Variants in RPH3A observed in about 807,000 individuals in gnomAD.
RPH3A encodes rabphilin-3A.
Under a neutral mutation model 102.2 loss-of-function variants are expected in RPH3A, and 48 were observed. The ratio of observed to expected loss-of-function variants is 0.47; its 90% CI spans 0.37 to 0.60. The LOEUF (loss-of-function observed/expected upper bound fraction) is 0.60, where lower values mean the gene tolerates loss of function less well. RPH3A is among the 20% of genes least tolerant of loss of function. The probability of loss-of-function intolerance (pLI) is 0.00; values close to 1 mark genes in which losing one functional copy is unlikely to be tolerated. For synonymous variants in RPH3A, 310 were observed against 324.3 expected, an observed-to-expected ratio of 0.96 and a Z score of 0.47; for missense variants, 781 against 910.1, an observed-to-expected ratio of 0.86 and a Z score of 1.83.
At chr12:112,803,152 A>C (rs1174132264) in intron 2 of RPH3A, among the ~76,000 whole-genome samples, 6 of 152,126 alleles carry the variant, frequency 3.9e-5, no homozygotes, top group Non-Finnish European at 8.8e-5. Flanking sequence ...ACCAAGTGTG[A>C]GGGCAGCCCC....
intron 1 of RPH3A, among the ~76,000 whole-genome samples, chr12:112,644,772 C>T (rs1257679039): frequency 6.6e-6 from 1 of 152,176 alleles, no homozygotes; most frequent in East Asian, 1.9e-4. Context: ...GGTCAATATC[C>T]ACAAGAAACT....
At chr12:112,587,825 A>G (rs968128234) in intron 1 of RPH3A, among the ~76,000 whole-genome samples, 1 of 152,134 alleles carries the variant, frequency 6.6e-6, no homozygotes, top group African/African-American at 2.4e-5. Context: ...GAGTGGGTGC[A>G]TGGTGGGGCT....
intron 1 of RPH3A, among the ~76,000 whole-genome samples, chr12:112,729,601 A>T (rs2040619607): frequency 6.6e-6 from 1 of 152,204 alleles, no homozygotes; most frequent in Non-Finnish European, 1.5e-5. Context: ...TAACAAGAGG[A>T]ATCCACTAAA....
chr12:112,800,473 G>T (rs2041322253), intron 2 of RPH3A, among the ~76,000 whole-genome samples: 1 of 152,184 alleles, frequency 6.6e-6, no homozygotes, highest in Non-Finnish European at 1.5e-5. Flanking sequence ...GGTAGCCAAG[G>T]AGTCTGGGTT....
At chr12:112,890,751 C>A in intron 18 of RPH3A, 98 bp from the exon 19 acceptor site, 1 of 1,380,270 alleles carries the variant, frequency 7.2e-7, no homozygotes, top group South Asian at 1.4e-5. Flanking sequence ...GCTGGCCAAG[C>A]TTCGCCTGCC....
chr12:112,693,594 G>C (rs1422300610), intron 1 of RPH3A, among the ~76,000 whole-genome samples: 1 of 152,056 alleles, frequency 6.6e-6, no homozygotes, highest in Non-Finnish European at 1.5e-5. Context: ...TGGCCCATCT[G>C]TTCCCTCTTC....
At position 112,850,326 on chromosome 12, in the gene RPH3A, G is replaced by GT. The variant is rs373343615; in HGVS notation, c.230+2494dup. Reference sequence around the variant, plus strand: ...AATGGCAATTATTTAATGGTGAGGTGTTTTTTTTTTAATGAGAAAGCTGAT... The same window carrying GT: ...AATGGCAATTATTTAATGGTGAGGTGTTTTTTTTTTTAATGAGAAAGCTGAT... On this transcript the variant is annotated intron_variant, in intron 5 of 21. Coordinates refer to ENST00000389385, the MANE Select transcript of RPH3A (RefSeq NM_001143854.2). Among the ~76,000 whole-genome samples the GT allele has an allele frequency of 2.4e-3, 359 of 147,248 alleles. 2 individuals carry two copies. The highest frequency in any genetic ancestry group is 6.9e-3 in the African/African-American group (280 of 40,314).
chr12:112,842,365 T>C (rs1032796740), intron 4 of RPH3A, among the ~76,000 whole-genome samples: 1 of 152,234 alleles, frequency 6.6e-6, no homozygotes, highest in Non-Finnish European at 1.5e-5. Flanking sequence ...CATGGTCTAG[T>C]TGACCCTCAT....
chr12:112,751,986 A>T (rs1191166018), intron 1 of RPH3A, among the ~76,000 whole-genome samples: 3 of 152,178 alleles, frequency 2.0e-5, no homozygotes, highest in Admixed American at 1.3e-4. Context: ...CAGTAAATAA[A>T]CATTAGTGCT....
At chr12:112,819,199 G>A (rs920000983) in intron 2 of RPH3A, among the ~76,000 whole-genome samples, 1 of 151,976 alleles carries the variant, frequency 6.6e-6, no homozygotes, top group African/African-American at 2.4e-5. Context: ...TCCACCTCCT[G>A]GGTTCAAGCG....
At chr12:112,783,569 G>A (rs73425014) in intron 1 of RPH3A, among the ~76,000 whole-genome samples, 3 of 152,306 alleles carry the variant, frequency 2.0e-5, no homozygotes, top group Admixed American at 2.0e-4. Context: ...AATGAACAAA[G>A]TGAAGGTAAT....
chr12:112,896,011 A>G (rs983828245), intron 21 of RPH3A, 138 bp downstream of exon 21: 10 of 629,194 alleles, frequency 1.6e-5, no homozygotes, highest in Non-Finnish European at 1.1e-5. Context: ...ATTGAGACCC[A>G]TGATCTTGAC....
At chr12:112,728,304 G>T (rs2040609233) in intron 1 of RPH3A, among the ~76,000 whole-genome samples, 1 of 152,156 alleles carries the variant, frequency 6.6e-6, no homozygotes. Context: ...AAAGTTGGCA[G>T]ATCCCAGCTT....
At chr12:112,763,778 T>C (rs914593604) in intron 1 of RPH3A, among the ~76,000 whole-genome samples, 5 of 152,206 alleles carry the variant, frequency 3.3e-5, no homozygotes, top group African/African-American at 7.2e-5. Flanking sequence ...CTTCCCACCA[T>C]GGCCTGAACT....
rs2240192 is a variant in RPH3A, at chr12:112,897,882, G to A, written c.*1102G>A. ...ATCCGTGGGCTCCCCGGGTGGGCAC[G>A]GAGGCATTTAGAAGACCAGGGCCAT... is the stretch of plus-strand genomic sequence containing the variant. On this transcript the variant is annotated 3_prime_UTR_variant, in exon 22 of 22. Coordinates refer to ENST00000389385, the MANE Select transcript of RPH3A (RefSeq NM_001143854.2). 18,201 of 152,244 alleles carry A rather than the reference G, an allele frequency of 0.12. 1,549 individuals are homozygous for A. The highest frequency in any genetic ancestry group is 0.32 in the East Asian group (1,670 of 5,158). The allele number at this position is 152,244 out of a possible 1,614,324, so 9.4% of individuals were successfully genotyped here.
Position 112,883,326 on chromosome 12 carries a change from A to T in RPH3A, c.1360A>T (p.Thr454Ser). The T allele has an allele frequency of 6.2e-7, 1 of 1,614,028 alleles. No individual in the cohort carries two copies. The highest frequency in any genetic ancestry group is 8.5e-7 in the Non-Finnish European group (1 of 1,180,000). Reference protein sequence around the residue: ...NKLRTKTLRNTRNPIWNETLV... With the variant: ...NKLRTKTLRNSRNPIWNETLV... ...GCTTCGTACAAAAACTCTGCGGAAT[A>T]CCCGGAACCCCATCTGGAATGAGAC... Residue 454 changes from threonine (T) to serine (S), a missense_variant, in exon 16 of 22, where the codon ACC (threonine) becomes TCC (serine). By Grantham distance (58) the Thr-to-Ser change is moderately conservative (BLOSUM62 1). Transcript: ENST00000389385.
chr12:112,640,487 C>T (rs1431478316), intron 1 of RPH3A, among the ~76,000 whole-genome samples: 1 of 151,648 alleles, frequency 6.6e-6, no homozygotes, highest in Non-Finnish European at 1.5e-5. Flanking sequence ...TTCATCTCTC[C>T]TTTCCCTGTC....
intron 2 of RPH3A, among the ~76,000 whole-genome samples, chr12:112,815,457 A>G (rs1338306867): frequency 6.6e-6 from 1 of 152,208 alleles, no homozygotes; most frequent in Non-Finnish European, 1.5e-5. Context: ...CCTGGCCTAT[A>G]AAATGGGAAT....
chr12:112,739,399 A>G (rs552212623), intron 1 of RPH3A, among the ~76,000 whole-genome samples: 1 of 152,306 alleles, frequency 6.6e-6, no homozygotes, highest in East Asian at 1.9e-4. Flanking sequence ...TCATTTGCTT[A>G]AAATCACACG....
Sources: gnomAD v4.1 joint callset for allele counts (sites outside exome capture counted in the v4.1 genomes callset) on GRCh38, gnomAD v4.1.1 for gene constraint, MANE v1.5 for transcripts, NCBI Gene and HGNC (gene_info 2026-07-23, HGNC 2026-07-21) for gene names.